The following TCF25 variants were observed in gnomAD, a reference collection of about 807,000 sequenced individuals.
TCF25 encodes TCF25 ribosome quality control complex subunit.
A neutral mutation model predicts 83.1 loss-of-function variants in TCF25; 41 were observed. The observed-to-expected ratio is 0.49, with a 90% CI of 0.38 to 0.64. The LOEUF (loss-of-function observed/expected upper bound fraction) is 0.64, where lower values mean the gene tolerates loss of function less well. Ranked by LOEUF, TCF25 falls within the 30% of genes least tolerant of loss-of-function variation. TCF25 has a pLI of 0.00. For missense variants in TCF25, 979 were observed against 914.5 expected (o/e 1.07, Z -0.91); for synonymous variants, 458 against 365.0 (o/e 1.25, Z -2.90).
rs2044587894 is a variant in TCF25 at position 89,904,245 on chromosome 16, G to C, written c.1469+40G>C. On this transcript the variant is annotated intron_variant, in intron 13 of 17. Coordinates refer to ENST00000263346, the MANE Select transcript of TCF25 (RefSeq NM_014972.3). ...GTGGTGCCCATCTGTGGGTGCCTGT[G>C]GGTTCGGAGCCTGGGAGCCATTTTC... 5 of 1,548,470 alleles carry C rather than the reference G, an allele frequency of 3.2e-6. No homozygotes were observed. The South Asian group carries it at 4.8e-5, about 15-fold the overall frequency.
At chr16:89,902,647 C>A (rs2044434112) in intron 12 of TCF25, among the ~76,000 whole-genome samples, 1 of 146,226 alleles carries the variant, frequency 6.8e-6, no homozygotes, top group East Asian at 2.3e-4. Context: ...CGAGATCGCG[C>A]CACTGCACTC....
rs555412166 is a variant in TCF25, at chr16:89,902,696, A to G, written c.1382-1422A>G. On this transcript the variant is annotated intron_variant, in intron 12 of 17. Coordinates refer to ENST00000263346, the MANE Select transcript of TCF25 (RefSeq NM_014972.3). ...ATAGCGAGACTCCGTCTCAAAAAAA[A>G]AGAAAAAAAAAAAAAGACGGGCCTC... is the stretch of plus-strand genomic sequence containing the variant. Among the ~76,000 whole-genome samples the G allele has an allele frequency of 6.8e-4, 89 of 131,128 alleles. 4 individuals carry two copies. Among genetic ancestry groups the G allele is most frequent in the Non-Finnish European group, 1.4e-3 (77 of 56,594 alleles). The allele number at this position is 131,128 out of a possible 152,430, so 86.0% of individuals were successfully genotyped here.
intron 1 of TCF25, among the ~76,000 whole-genome samples, chr16:89,875,124 C>T (rs1437580537): frequency 1.3e-5 from 2 of 152,218 alleles, no homozygotes. Flanking sequence ...CTTGGCCTCT[C>T]AGAGTGTTGG....
At chr16:89,889,137 G>A (rs1037948450) in intron 5 of TCF25, 19 of 314,936 alleles carry the variant, frequency 6.0e-5, no homozygotes, top group Non-Finnish European at 1.1e-4. Flanking sequence ...CTTTATGTAG[G>A]AGGTATATTC....
At chr16:89,906,032 C>A in intron 14 of TCF25, 162 bp from the exon 15 acceptor site, 1 of 655,846 alleles carries the variant, frequency 1.5e-6, no homozygotes, top group Non-Finnish European at 2.6e-6. Context: ...CAGGGACCAG[C>A]CATGGTGCCT....
intron 15 of TCF25, 84 bp downstream of exon 15, chr16:89,906,368 C>T (rs547195133): frequency 1.2e-4 from 158 of 1,371,538 alleles, no homozygotes; most frequent in Non-Finnish European, 1.4e-4. Flanking sequence ...CACATGCAGG[C>T]GTGCGTGGTG....
At chr16:89,878,167 C>G (rs1465702327) in intron 1 of TCF25, among the ~76,000 whole-genome samples, 1 of 152,044 alleles carries the variant, frequency 6.6e-6, no homozygotes, top group East Asian at 1.9e-4. Flanking sequence ...GTGGTCACAG[C>G]TACTCGGGAG....
chr16:89,908,311 C>T (rs1187363463), intron 16 of TCF25, among the ~76,000 whole-genome samples: 6 of 141,494 alleles, frequency 4.2e-5, no homozygotes, highest in South Asian at 2.3e-4. Flanking sequence ...CCTCCTCCCA[C>T]CTTCTAGTTC....
intron 14 of TCF25, 42 bp from the exon 15 acceptor site, chr16:89,906,152 G>C (rs1183579089): frequency 6.4e-7 from 1 of 1,570,128 alleles, no homozygotes; most frequent in Non-Finnish European, 8.7e-7. Flanking sequence ...CATTTCATTT[G>C]CTGTGCTTTA....
chr16:89,881,462 T>C (rs1035063604), intron 1 of TCF25, among the ~76,000 whole-genome samples: 1 of 152,162 alleles, frequency 6.6e-6, no homozygotes, highest in Non-Finnish European at 1.5e-5. Context: ...TTAAAAAATT[T>C]AGAGCTAGAG....
intron 2 of TCF25, 152 bp downstream of exon 2, chr16:89,883,664 C>G (rs1016557195): frequency 1.1e-6 from 1 of 870,686 alleles, no homozygotes; most frequent in African/African-American, 1.7e-5. Context: ...TACTTGGGAA[C>G]CTTGATGAGA....
rs545167940 is a variant in TCF25 at position 89,883,627 on chromosome 16, T to C, written c.354+115T>C. ...AGGTGTAATTTTCCGAGTTCCATTT[T>C]GGTTACCTGCTAGTTGCCCCCAAAT... On this transcript the variant is annotated intron_variant, in intron 2 of 17. Transcript: ENST00000263346. The C allele has an allele frequency of 2.8e-5, 36 of 1,301,548 alleles. No homozygotes were observed. In the East Asian group the frequency reaches 7.9e-4, roughly 29 times the overall value. 80.6% of individuals were successfully genotyped at this position (1,301,548 alleles called of 1,614,324 possible).
At chr16:89,891,789 A>G (rs892253153) in intron 5 of TCF25, among the ~76,000 whole-genome samples, 2 of 152,078 alleles carry the variant, frequency 1.3e-5, no homozygotes, top group African/African-American at 4.8e-5. Flanking sequence ...TCTGTCGTCC[A>G]GGCTGGAGTG....
chr16:89,875,530 T>G (rs1597244994), intron 1 of TCF25, among the ~76,000 whole-genome samples: 1 of 137,770 alleles, frequency 7.3e-6, no homozygotes, highest in Non-Finnish European at 1.6e-5. Context: ...TTTTTTTTTT[T>G]TTTTTTTTTT....
intron 6 of TCF25, among the ~76,000 whole-genome samples, chr16:89,892,638 A>G (rs899598716): frequency 6.6e-5 from 10 of 152,218 alleles, no homozygotes; most frequent in Non-Finnish European, 4.4e-5. Flanking sequence ...CCTTTCCCTT[A>G]TGGAAGCAAT....
At chr16:89,900,990 G>A in intron 12 of TCF25, 196 bp downstream of exon 12, 1 of 568,236 alleles carries the variant, frequency 1.8e-6, no homozygotes. Context: ...TGCGTGCCAA[G>A]CCAGGCACGA....
intron 6 of TCF25, among the ~76,000 whole-genome samples, chr16:89,893,272 C>A (rs2043569795): frequency 1.3e-5 from 2 of 152,362 alleles, no homozygotes; most frequent in South Asian, 4.1e-4. Context: ...TCACACGTTA[C>A]AAAGCTCTGT....
chr16:89,908,251 CCCA>C (rs772442740), intron 16 of TCF25, among the ~76,000 whole-genome samples: 7,469 of 130,316 alleles, frequency 0.057, 449 homozygotes, highest in East Asian at 0.14. Context: ...CCTCCCAGCT[CCCA>C]CCTCCCAGCT....
chr16:89,887,454 C>T (rs531212082), intron 4 of TCF25, among the ~76,000 whole-genome samples, 198 bp from the exon 5 acceptor site: 19 of 152,356 alleles, frequency 1.2e-4, no homozygotes, highest in African/African-American at 3.4e-4. Context: ...GGCACAGTGA[C>T]GGCAGCTTCC....
Sources: gnomAD v4.1 joint callset for allele counts (sites outside exome capture counted in the v4.1 genomes callset) on GRCh38, gnomAD v4.1.1 for gene constraint, MANE v1.5 for transcripts, NCBI Gene and HGNC (gene_info 2026-07-23, HGNC 2026-07-21) for gene names.